The following MACROD2 variants were observed in gnomAD, a reference collection of about 807,000 sequenced individuals.
MACROD2 encodes the protein ADP-ribose glycohydrolase MACROD2.
MACROD2 carries 36 observed loss-of-function variants against 70.4 expected under a neutral mutation model. The ratio of observed to expected loss-of-function variants is 0.51; its 90% CI spans 0.39 to 0.68. The LOEUF is 0.68. MACROD2 is among the 30% of genes least tolerant of loss of function. The pLI is 0.00. For missense variants in MACROD2, 496 were observed against 538.4 expected (o/e 0.92, Z 0.78); for synonymous variants, 172 against 178.8 (o/e 0.96, Z 0.30).
At chr20:15,911,195 G>A (rs565249122) in intron 10 of MACROD2, among the ~76,000 whole-genome samples, 35 of 152,326 alleles carry the variant, frequency 2.3e-4, no homozygotes, top group Non-Finnish European at 3.7e-4. Flanking sequence ...GGACCGGGAG[G>A]TGCAGGGGTG....
chr20:14,510,374 A>T (rs1190515743), intron 4 of MACROD2, among the ~76,000 whole-genome samples: 1 of 152,088 alleles, frequency 6.6e-6, no homozygotes, highest in Non-Finnish European at 1.5e-5. Flanking sequence ...GAAAAACATG[A>T]GAATTTAGAT....
intron 8 of MACROD2, among the ~76,000 whole-genome samples, chr20:15,583,981 C>T (rs974052494): frequency 2.2e-4 from 34 of 152,352 alleles, no homozygotes; most frequent in African/African-American, 8.2e-4. Flanking sequence ...TCCAAACACA[C>T]CTTGTGGAAG....
intron 3 of MACROD2, among the ~76,000 whole-genome samples, chr20:14,289,046 C>T (rs926112938): frequency 2.6e-5 from 4 of 152,152 alleles, no homozygotes; most frequent in African/African-American, 9.7e-5. Flanking sequence ...AGCTTCCACA[C>T]CAGCCCTGAG....
intron 5 of MACROD2, among the ~76,000 whole-genome samples, chr20:14,906,682 G>A (rs1171452458): frequency 2.0e-5 from 3 of 152,050 alleles, no homozygotes; most frequent in Non-Finnish European, 2.9e-5. Flanking sequence ...TCAGTAATGC[G>A]ATTCTGAAAC....
chr20:15,077,506 A>G (rs2075667139), intron 5 of MACROD2, among the ~76,000 whole-genome samples: 1 of 152,214 alleles, frequency 6.6e-6, no homozygotes, highest in African/African-American at 2.4e-5. Flanking sequence ...GTAAAGGATT[A>G]GTATTAGTAG....
chr20:15,282,516 A>G (rs1374255940), intron 6 of MACROD2, among the ~76,000 whole-genome samples: 2 of 152,152 alleles, frequency 1.3e-5, no homozygotes, highest in Non-Finnish European at 2.9e-5. Flanking sequence ...TCCCTAACTC[A>G]TTTCTCTCAA....
At chr20:15,188,528 G>C (rs1336588445) in intron 5 of MACROD2, among the ~76,000 whole-genome samples, 1 of 152,150 alleles carries the variant, frequency 6.6e-6, no homozygotes, top group Non-Finnish European at 1.5e-5. Context: ...ATTCAGCACT[G>C]TTCATTTTGT....
chr20:14,897,354 C>T (rs2073842778), intron 5 of MACROD2, among the ~76,000 whole-genome samples: 1 of 151,976 alleles, frequency 6.6e-6, no homozygotes, highest in South Asian at 2.1e-4. Context: ...AAAAAAATTT[C>T]CTGTCAATTA....
intron 3 of MACROD2, among the ~76,000 whole-genome samples, chr20:14,337,062 T>C (rs1425168865): frequency 2.0e-5 from 3 of 152,206 alleles, no homozygotes; most frequent in Non-Finnish European, 4.4e-5. Context: ...CCAAGTTGCT[T>C]TCCTATCTGT....
chr20:15,554,966 C>T (rs773572259), intron 8 of MACROD2, among the ~76,000 whole-genome samples: 1 of 152,210 alleles, frequency 6.6e-6, no homozygotes. Flanking sequence ...GGGAGAGAAA[C>T]CCCTGCTTCT....
At chr20:15,139,026 A>T (rs922133955) in intron 5 of MACROD2, among the ~76,000 whole-genome samples, 1 of 152,172 alleles carries the variant, frequency 6.6e-6, no homozygotes, top group African/African-American at 2.4e-5. Context: ...CTAAAGCTTG[A>T]CAATGTTCTA....
intron 4 of MACROD2, among the ~76,000 whole-genome samples, chr20:14,512,158 A>G (rs1292024735): frequency 6.6e-6 from 1 of 152,168 alleles, no homozygotes; most frequent in Admixed American, 6.6e-5. Flanking sequence ...ACTAGAGCAA[A>G]TAGGCAAATT....
chr20:14,317,506 C>G (rs6135117), intron 3 of MACROD2, among the ~76,000 whole-genome samples: 1 of 151,340 alleles, frequency 6.6e-6, no homozygotes, highest in Non-Finnish European at 1.5e-5. Flanking sequence ...GTCCCAGCTA[C>G]TTGGGAGTCT....
intron 5 of MACROD2, among the ~76,000 whole-genome samples, chr20:15,066,111 C>T (rs1245607065): frequency 4.2e-5 from 6 of 142,640 alleles, no homozygotes; most frequent in Non-Finnish European, 6.1e-5. Flanking sequence ...GAGCTGCTTT[C>T]TTTTTTTTTT....
intron 8 of MACROD2, among the ~76,000 whole-genome samples, chr20:15,532,126 A>G (rs2047811921): frequency 6.6e-6 from 1 of 152,128 alleles, no homozygotes; most frequent in South Asian, 2.1e-4. Context: ...TTAATGAAAC[A>G]TTTTTAAATG....
At chr20:14,614,488 G>T (rs1983360395) in intron 4 of MACROD2, among the ~76,000 whole-genome samples, 1 of 152,108 alleles carries the variant, frequency 6.6e-6, no homozygotes, top group African/African-American at 2.4e-5. Context: ...CCAGTGAGCA[G>T]CCAGCGTTGG....
At chr20:15,997,042 A>T (rs1164145212) in intron 15 of MACROD2, among the ~76,000 whole-genome samples, 1 of 152,022 alleles carries the variant, frequency 6.6e-6, no homozygotes, top group Non-Finnish European at 1.5e-5. Flanking sequence ...GGGATTCTCA[A>T]TTCTGTTCTA....
At chr20:14,788,763 G>GT (rs1195877119) in intron 5 of MACROD2, among the ~76,000 whole-genome samples, 29,139 of 79,524 alleles carry the variant, frequency 0.37, 6,700 homozygotes, top group Non-Finnish European at 0.45. Flanking sequence ...TAGTGGTGGT[G>GT]TTTTTTTTTT....
In MACROD2 at chr20:15,999,310, A is replaced by G. The variant is rs190414127; in HGVS notation, c.1153+12152A>G. Reference sequence around the variant, plus strand: ...TGAATTTTCCAAAATTCTTCCTGTTATTGTTTTTTAGTTTTATATGTTTGT... The same window carrying G: ...TGAATTTTCCAAAATTCTTCCTGTTGTTGTTTTTTAGTTTTATATGTTTGT... On this transcript the variant is annotated intron_variant, in intron 15 of 17. Coordinates refer to ENST00000684519, the MANE Select transcript of MACROD2 (RefSeq NM_001351661.2). 2.0e-4 allele frequency among the ~76,000 whole-genome samples: 30 copies of G among 151,906 alleles called. 1 individual carries two copies. Among genetic ancestry groups the G allele is most frequent in the African/African-American group, 7.2e-4 (30 of 41,412 alleles).
Sources: allele counts gnomAD v4.1 joint callset (sites outside exome capture counted in the v4.1 genomes callset), GRCh38; gene constraint gnomAD v4.1.1; transcripts MANE v1.5; gene names NCBI Gene and HGNC (gene_info 2026-07-23, HGNC 2026-07-21).